The following SEC24C variants were observed in gnomAD, a reference collection of about 807,000 sequenced individuals.
SEC24C encodes SEC24 homolog C, COPII component.
In SEC24C, 22 loss-of-function variants were observed where a neutral mutation model predicts 117.0. That is an observed-to-expected ratio of 0.19 (90% CI 0.13 to 0.27). The LOEUF (loss-of-function observed/expected upper bound fraction) is 0.27, where lower values mean the gene tolerates loss of function less well. Ranked by LOEUF, SEC24C falls within the 10% of genes least tolerant of loss-of-function variation. The pLI, the probability that SEC24C is intolerant of heterozygous loss-of-function variation, is 1.00. For missense variants in SEC24C, 1,155 were observed against 1,375.1 expected (o/e 0.84, Z 2.53); for synonymous variants, 506 against 529.4 (o/e 0.96, Z 0.61).
intron 2 of SEC24C, 49 bp downstream of exon 2, chr10:73,747,053 AG>A: frequency 6.4e-7 from 1 of 1,562,520 alleles, no homozygotes; most frequent in Non-Finnish European, 8.7e-7. Flanking sequence ...AAATCAGCAG[AG>A]TCTTCAGGTT....
chr10:73,763,375 T>A, intron 6 of SEC24C, 115 bp from the exon 7 acceptor site: 1 of 630,170 alleles, frequency 1.6e-6, no homozygotes, highest in Non-Finnish European at 2.9e-6. Flanking sequence ...TATGAGGTGT[T>A]CCTTGGCAAA....
At chr10:73,770,893 GAT>G in intron 22 of SEC24C, 60 bp from the exon 23 acceptor site, 6 of 1,613,490 alleles carry the variant, frequency 3.7e-6, no homozygotes, top group Non-Finnish European at 5.1e-6. Flanking sequence ...TGCCTAATGA[GAT>G]TTCTGGGCAT....
Position 73,769,555 on chromosome 10 carries a change from T to C in SEC24C, c.2564-60T>C. On this transcript the variant is annotated intron_variant, in intron 18 of 22. Transcript: ENST00000345254. This position sits in a 1 kb window ranked among gnomAD's most constrained non-coding sequence, Gnocchi z 4.5. ...CAGGATGGTGAGTGGGTAGTTGTGA[T>C]GGTGGGAATGCACACATGATGGGCA... is the stretch of plus-strand genomic sequence containing the variant. 6.2e-7 allele frequency: 1 copy of C among 1,612,970 alleles called. No individual in the cohort carries two copies. The highest frequency in any genetic ancestry group is 8.5e-7 in the Non-Finnish European group (1 of 1,179,066).
chr10:73,760,642 C>T, intron 5 of SEC24C, 71 bp from the exon 6 acceptor site: 2 of 1,446,088 alleles, frequency 1.4e-6, no homozygotes. Context: ...GGAGTCTAGT[C>T]ATTTTCCTGA....
intron 2 of SEC24C, among the ~76,000 whole-genome samples, chr10:73,749,690 C>T (rs1261937169): frequency 1.3e-5 from 2 of 152,002 alleles, no homozygotes; most frequent in African/African-American, 2.4e-5. Flanking sequence ...ATTACAGGCA[C>T]ATGCCACCAC....
intron 1 of SEC24C, among the ~76,000 whole-genome samples, chr10:73,746,178 A>AAC (rs1565032267): frequency 4.2e-5 from 6 of 144,504 alleles, no homozygotes; most frequent in Middle Eastern, 3.3e-3. Context: ...AAAAAAAAAA[A>AAC]AAAACCTTCA....
intron 2 of SEC24C, among the ~76,000 whole-genome samples, chr10:73,748,562 A>G (rs1419152532): frequency 6.7e-6 from 1 of 150,102 alleles, no homozygotes; most frequent in African/African-American, 2.5e-5. Context: ...CAGCCTCCCA[A>G]GTAGCTGGGA....
chr10:73,766,309 G>A, intron 11 of SEC24C, 41 bp from the exon 12 acceptor site: 1 of 1,582,140 alleles, frequency 6.3e-7, no homozygotes, highest in Non-Finnish European at 8.6e-7. Context: ...GTGGGTGGTG[G>A]AAAAGGTGGC....
intron 6 of SEC24C, chr10:73,762,026 A>G (rs1300960821): frequency 1.9e-6 from 2 of 1,065,536 alleles, no homozygotes; most frequent in Non-Finnish European, 2.5e-6. Context: ...TGAGAGAAGT[A>G]ACATCTGCCT....
chr10:73,765,429 T>C (rs371476278), intron 8 of SEC24C, 22 bp from the exon 9 acceptor site: 1 of 1,601,680 alleles, frequency 6.2e-7, no homozygotes, highest in Non-Finnish European at 8.5e-7. Flanking sequence ...TTATGTCTGA[T>C]CCCTTCCCCT....
intron 1 of SEC24C, among the ~76,000 whole-genome samples, chr10:73,745,256 G>A (rs1282782550): frequency 6.6e-6 from 1 of 152,054 alleles, no homozygotes; most frequent in Non-Finnish European, 1.5e-5. Context: ...TTTAGAAAAG[G>A]CCCTCTAATT....
rs374049988 is a variant in SEC24C at position 73,769,661 on chromosome 10, G to A, written c.2610G>A (p.Thr870=). The change falls in exon 19 of 23, where the codon ACG becomes ACA. Residue 870 remains threonine, a synonymous_variant. Transcript: ENST00000345254. This position sits in a 1 kb window ranked among gnomAD's most constrained non-coding sequence, Gnocchi z 4.5. ...LNSPVKAVRD[T]LITQCAQILA... ...GCCCTGTGAAGGCTGTTCGTGACACGCTCATCACCCAGTGTGCCCAGATCC... is the reference window on the plus strand; with the variant it reads ...GCCCTGTGAAGGCTGTTCGTGACACACTCATCACCCAGTGTGCCCAGATCC... 248 of 1,614,046 alleles carry A rather than the reference G, an allele frequency of 1.5e-4. No individual in the cohort carries two copies. Among genetic ancestry groups the A allele is most frequent in the Non-Finnish European group, 1.1e-4 (132 of 1,180,044 alleles).
rs1053776338 is a variant in SEC24C at position 73,764,068 on chromosome 10, T to A, written c.1227+85T>A. ...GCGTCTTCCTGGATGTGATTCCAGCTTCACAATGGAAGATATTTTAGTTAG... is the reference window on the plus strand; with the variant it reads ...GCGTCTTCCTGGATGTGATTCCAGCATCACAATGGAAGATATTTTAGTTAG... On this transcript the variant is annotated intron_variant, in intron 8 of 22. Coordinates refer to ENST00000345254, the MANE Select transcript of SEC24C (RefSeq NM_198597.3). 2.4e-5 allele frequency: 35 copies of A among 1,451,242 alleles called. No individual in the cohort carries two copies. The African/African-American group carries it at 5.0e-4, about 21-fold the overall frequency. The allele number at this position is 1,451,242 out of a possible 1,614,324, so 89.9% of individuals were successfully genotyped here.
chr10:73,766,592 A>G (rs2082887525), intron 12 of SEC24C, 51 bp downstream of exon 12: 1 of 1,551,952 alleles, frequency 6.4e-7, no homozygotes, highest in East Asian at 2.2e-5. Flanking sequence ...GGGTACCACC[A>G]TAGAAGGTCA....
At chr10:73,744,863 C>A (rs902251994) in intron 1 of SEC24C, among the ~76,000 whole-genome samples, 3 of 152,148 alleles carry the variant, frequency 2.0e-5, no homozygotes, top group Non-Finnish European at 2.9e-5. Context: ...GTCGAGACTT[C>A]AGTCTGACTC....
intron 2 of SEC24C, among the ~76,000 whole-genome samples, chr10:73,747,728 C>T (rs181025488): frequency 6.0e-5 from 9 of 149,158 alleles, no homozygotes; most frequent in Admixed American, 2.0e-4. Flanking sequence ...GGCACGATCT[C>T]GGCTCACCAC....
At position 73,763,564 on chromosome 10, in the gene SEC24C, A is replaced by C; in HGVS notation, c.1062A>C (p.Pro354=). The C allele has an allele frequency of 6.3e-7, 1 of 1,597,550 alleles. No homozygotes were observed. The highest frequency in any genetic ancestry group is 8.5e-7 in the Non-Finnish European group (1 of 1,172,938). Residue 354 remains proline, a synonymous_variant, in exon 7 of 23, where the codon CCA becomes CCC. Transcript: ENST00000345254. ...TTACTGGAGTACGGGGCCAGGTGCC[A>C]CCCTTAGTCACTACCAACTTCCTGG... The part of the protein sequence containing the change: ...PFVTGVRGQV[P]PLVTTNFLVK...
At chr10:73,748,344 A>T (rs898239181) in intron 2 of SEC24C, among the ~76,000 whole-genome samples, 25 of 152,052 alleles carry the variant, frequency 1.6e-4, no homozygotes, top group Admixed American at 1.3e-4. Flanking sequence ...CATGTTGGCC[A>T]GGCTGGTCTC....
intron 6 of SEC24C, 134 bp from the exon 7 acceptor site, chr10:73,763,356 G>T: frequency 1.8e-6 from 1 of 560,354 alleles, no homozygotes; most frequent in Non-Finnish European, 3.3e-6. Flanking sequence ...AAGGAGAACA[G>T]GCCTGGTGTA....
Sources: allele counts gnomAD v4.1 joint callset (sites outside exome capture counted in the v4.1 genomes callset), GRCh38; gene constraint gnomAD v4.1.1; non-coding constraint Gnocchi (gnomAD v3.1); transcripts MANE v1.5; gene names NCBI Gene and HGNC (gene_info 2026-07-23, HGNC 2026-07-21).